The following VIPR1 variants were observed in gnomAD, a reference collection of about 807,000 sequenced individuals.
VIPR1 encodes vasoactive intestinal polypeptide receptor 1.
In VIPR1, 59 loss-of-function variants were observed where a neutral mutation model predicts 58.8. The observed-to-expected ratio is 1.00, with a 90% confidence interval of 0.81 to 1.25. The LOEUF is 1.25. Among genes scored for constraint, VIPR1 ranks in the 50% most tolerant of loss-of-function variants. VIPR1 has a pLI of 0.00. For synonymous variants in VIPR1, 251 were observed against 242.1 expected, an observed-to-expected ratio of 1.04 and a Z score of -0.34; for missense variants, 626 against 602.7, an observed-to-expected ratio of 1.04 and a Z score of -0.40.
rs1400158091 is a variant in VIPR1 at position 42,532,240 on chromosome 3, A to G, written c.919-2A>G. 1 of 1,614,102 alleles carries G rather than the reference A, an allele frequency of 6.2e-7. No individual in the cohort carries two copies. Among genetic ancestry groups the G allele is most frequent in the Non-Finnish European group, 8.5e-7 (1 of 1,179,988 alleles). On this transcript the variant is annotated splice_acceptor_variant, in intron 9 of 12. Transcript: ENST00000325123. LOFTEE classifies it high-confidence loss of function. ...GCCCGAACTCGGGTCCCCACCCACT[A>G]GGTAAACTTCATCCTGTTTATTTGC...
chr3:42,531,937 T>C, intron 9 of VIPR1, 68 bp downstream of exon 9: 1 of 1,570,556 alleles, frequency 6.4e-7, no homozygotes, highest in Non-Finnish European at 8.8e-7. Context: ...TAGCCCAAGG[T>C]CACATGGGAA....
At chr3:42,507,882 T>TC (rs1233429283) in intron 1 of VIPR1, 3 of 135,856 alleles carry the variant, frequency 2.2e-5, no homozygotes, top group African/African-American at 8.7e-5. Flanking sequence ...CCCATCCCCA[T>TC]CAACACTCAC....
rs945871950 is a variant in VIPR1, at chr3:42,537,136, T to G, written c.*855T>G. ...CAACAGGAATCAAGAGCTGCCCTCCTTGTCCACCCACCTATGTGCCAACTG... is the reference window on the plus strand; with the variant it reads ...CAACAGGAATCAAGAGCTGCCCTCCGTGTCCACCCACCTATGTGCCAACTG... On this transcript the variant is annotated 3_prime_UTR_variant, in exon 13 of 13. Coordinates refer to ENST00000325123, the MANE Select transcript of VIPR1 (RefSeq NM_004624.4). 7 of 152,244 alleles carry G rather than the reference T, an allele frequency of 4.6e-5. No individual in the cohort carries two copies. Among genetic ancestry groups the G allele is most frequent in the African/African-American group, 1.4e-4 (6 of 41,452 alleles). The allele number at this position is 152,244 out of a possible 1,614,324, so 9.4% of individuals were successfully genotyped here.
In VIPR1 at chr3:42,532,327, CAT is replaced by C; in HGVS notation, c.1006_1007del (p.Tyr336LeufsTer29). 2.5e-6 allele frequency: 4 copies of C among 1,614,092 alleles called. No individual in the cohort carries two copies. Among genetic ancestry groups the C allele is most frequent in the Non-Finnish European group, 3.4e-6 (4 of 1,179,952 alleles). On this transcript the variant is annotated frameshift_variant, in exon 10 of 13. Coordinates refer to ENST00000325123, the MANE Select transcript of VIPR1 (RefSeq NM_004624.4). LOFTEE classifies it high-confidence loss of function. ...GATATCAGGAAGAGTGACAGCAGTC[CAT>C]ACTCGTGAGTGTGGGCCTAGTGCCT...
chr3:42,520,145 G>A (rs534140362), intron 3 of VIPR1, among the ~76,000 whole-genome samples: 2 of 152,286 alleles, frequency 1.3e-5, no homozygotes, highest in South Asian at 4.1e-4. Context: ...TCCCAGATTG[G>A]GGACAACTGA....
At chr3:42,501,288 T>C (rs1432562247), upstream of VIPR1, among the ~76,000 whole-genome samples, 1 of 151,858 alleles carries the variant, frequency 6.6e-6, no homozygotes, top group Non-Finnish European at 1.5e-5. This position sits in a 1 kb window ranked among gnomAD's most constrained non-coding sequence, Gnocchi z 4.8. Flanking sequence ...GTTCCCTCTC[T>C]GTAGGGAGGG....
intron 9 of VIPR1, 119 bp downstream of exon 9, chr3:42,531,988 C>A: frequency 8.4e-7 from 1 of 1,195,072 alleles, no homozygotes; most frequent in Non-Finnish European, 1.2e-6. Context: ...CTTCCTAATG[C>A]CCAATGCAGG....
At chr3:42,506,247 A>G (rs1178757462) in intron 1 of VIPR1, among the ~76,000 whole-genome samples, 2 of 152,312 alleles carry the variant, frequency 1.3e-5, no homozygotes, top group East Asian at 3.9e-4. Context: ...GGGCAGCCTC[A>G]GTGGAAATCC....
chr3:42,497,083 C>T (rs898354052), intron 1 of VIPR1, among the ~76,000 whole-genome samples: 1 of 152,086 alleles, frequency 6.6e-6, no homozygotes, highest in Admixed American at 6.5e-5. Context: ...GAATCTCTGC[C>T]GAAGGTCAGC....
chr3:42,503,158 C>A (rs1251028326), intron 1 of VIPR1, among the ~76,000 whole-genome samples: 1 of 152,012 alleles, frequency 6.6e-6, no homozygotes, highest in African/African-American at 2.4e-5. Flanking sequence ...GTACTGCGGC[C>A]GATTGAGATG....
chr3:42,498,756 C>A (rs1351851060), upstream of VIPR1, among the ~76,000 whole-genome samples: 1 of 152,180 alleles, frequency 6.6e-6, no homozygotes, highest in African/African-American at 2.4e-5. Context: ...GGCTTCCCTG[C>A]AGAGGACAGC....
chr3:42,511,232 C>T (rs1318080669), intron 1 of VIPR1, among the ~76,000 whole-genome samples: 4 of 152,190 alleles, frequency 2.6e-5, no homozygotes, highest in African/African-American at 4.8e-5. Context: ...AGTTTTTATC[C>T]GTGTGTTCCA....
chr3:42,497,868 A>G (rs553513478), upstream of VIPR1, among the ~76,000 whole-genome samples: 1 of 152,222 alleles, frequency 6.6e-6, no homozygotes, highest in South Asian at 2.1e-4. Context: ...CTTTTTCTTT[A>G]TAAACTTCCC....
At chr3:42,502,850 C>A in intron 1 of VIPR1, 37 bp downstream of exon 1, 1 of 1,200,406 alleles carries the variant, frequency 8.3e-7, no homozygotes, top group Non-Finnish European at 1.0e-6. Flanking sequence ...TCCCGGCAGC[C>A]TGGGGGTTGC....
intron 11 of VIPR1, 102 bp downstream of exon 11, chr3:42,535,206 T>C: frequency 6.2e-7 from 1 of 1,600,202 alleles, no homozygotes; most frequent in South Asian, 1.1e-5. Context: ...TTTACTGTAA[T>C]AAGTATTAGA....
At chr3:42,513,898 G>A (rs752042187) in intron 2 of VIPR1, 44 bp downstream of exon 2, 3 of 1,533,974 alleles carry the variant, frequency 2.0e-6, no homozygotes, top group South Asian at 1.2e-5. Context: ...CCCCCAGGGA[G>A]CCCAAGATTC....
intron 1 of VIPR1, among the ~76,000 whole-genome samples, chr3:42,495,462 T>C (rs1699742180): frequency 6.6e-6 from 1 of 152,146 alleles, no homozygotes; most frequent in Non-Finnish European, 1.5e-5. Flanking sequence ...TTCAGTGCAG[T>C]TGAGAATCCC....
intron 1 of VIPR1, 188 bp from the exon 2 acceptor site, chr3:42,513,561 G>A (rs1486289819): frequency 2.4e-5 from 14 of 578,916 alleles, no homozygotes; most frequent in Admixed American, 6.2e-5. Context: ...CCTCGGGGCC[G>A]ACCCAGGTTT....
intron 2 of VIPR1, among the ~76,000 whole-genome samples, chr3:42,515,453 C>A (rs117137040): frequency 6.6e-6 from 1 of 152,240 alleles, no homozygotes; most frequent in Non-Finnish European, 1.5e-5. Flanking sequence ...CTTTGGCAGG[C>A]CCCAGCGGTG....
Sources: allele counts gnomAD v4.1 joint callset (sites outside exome capture counted in the v4.1 genomes callset), GRCh38; gene constraint gnomAD v4.1.1; non-coding constraint Gnocchi (gnomAD v3.1); transcripts MANE v1.5; gene names NCBI Gene and HGNC (gene_info 2026-07-23, HGNC 2026-07-21).